The following AGAP1 variants were observed in gnomAD, a reference collection of about 807,000 sequenced individuals.
AGAP1 encodes ArfGAP with GTPase domain, ankyrin repeat and PH domain 1.
A neutral mutation model predicts 105.3 loss-of-function variants in AGAP1; 29 were observed. That is an observed-to-expected ratio of 0.28 (90% confidence interval 0.21 to 0.38). AGAP1 has a LOEUF of 0.38. AGAP1 is among the 10% of genes least tolerant of loss of function. The pLI, the probability that AGAP1 is intolerant of heterozygous loss-of-function variation, is 1.00. For synonymous variants in AGAP1, 509 were observed against 485.9 expected (o/e 1.05, Z -0.63); for missense variants, 998 against 1,165.1 (o/e 0.86, Z 2.09).
chr2:235,546,671 G>C (rs1305562481), intron 1 of AGAP1, among the ~76,000 whole-genome samples: 1 of 152,142 alleles, frequency 6.6e-6, no homozygotes, highest in African/African-American at 2.4e-5. Context: ...CATTGGGAGT[G>C]ATGGCGATGG....
rs1329115085 is a variant in AGAP1, at chr2:235,601,026, G to C, written c.163+106177G>C. On this transcript the variant is annotated intron_variant, in intron 1 of 17. Transcript: ENST00000304032. The surrounding 1 kb of genome is among the most constrained non-coding windows in gnomAD (Gnocchi z 4.4). ...GCCTCTCCTCTTCTCACTGCCTTCA[G>C]TATCCAGCCAAGCTGGGAAACGCCA... is the stretch of plus-strand genomic sequence containing the variant. Among the ~76,000 whole-genome samples the C allele has an allele frequency of 1.3e-5, 2 of 152,292 alleles. No individual in the cohort carries two copies. Among genetic ancestry groups the C allele is most frequent in the African/African-American group, 2.4e-5 (1 of 41,558 alleles).
At position 235,563,591 on chromosome 2, in the gene AGAP1, C is replaced by CG. The variant is rs1480720697; in HGVS notation, c.163+68748dup. Among the ~76,000 whole-genome samples the CG allele has an allele frequency of 8.2e-5, 6 of 73,552 alleles. No individual in the cohort carries two copies. In the East Asian group the frequency reaches 1.3e-3, roughly 16 times the overall value. The allele number at this position is 73,552 out of a possible 152,430, so 48.3% of individuals were successfully genotyped here. ...TATCCTGTGTAAATTATAGCCCGGG[C>CG]GGGGGGTGGGGGGACTTGGATTGTT... On this transcript the variant is annotated intron_variant, in intron 1 of 17. Coordinates refer to ENST00000304032, the MANE Select transcript of AGAP1 (RefSeq NM_001037131.3).
In AGAP1 at chr2:235,608,320, C is replaced by CT. The variant is rs1415646984; in HGVS notation, c.164-100852dup. On this transcript the variant is annotated intron_variant, in intron 1 of 17. Coordinates refer to ENST00000304032, the MANE Select transcript of AGAP1 (RefSeq NM_001037131.3). This position sits in a 1 kb window ranked among gnomAD's most constrained non-coding sequence, Gnocchi z 5.4. ...CGTATTCTGTAAAATTCCATTGTGT[C>CT]TTTTTTTCCCCCAAGTAATCTGGCT... Among the ~76,000 whole-genome samples, 3 of 152,128 alleles carry CT rather than the reference C, an allele frequency of 2.0e-5. No homozygotes were observed. Among genetic ancestry groups the CT allele is most frequent in the African/African-American group, 4.8e-5 (2 of 41,422 alleles).
In AGAP1 at chr2:235,969,328, A is replaced by AC. The variant is rs542117590; in HGVS notation, c.1645+711dup. 3.0e-3 allele frequency among the ~76,000 whole-genome samples: 446 copies of AC among 150,974 alleles called. 1 individual carries two copies. Among genetic ancestry groups the AC allele is most frequent in the Non-Finnish European group, 4.9e-3 (329 of 67,742 alleles). On this transcript the variant is annotated intron_variant, in intron 13 of 17. Transcript: ENST00000304032. ...TGCGTACACACACACATACACACAC[A>AC]CCCCCCACATTATGAGAGGTAAAAT...
chr2:236,058,760 G>C lies in AGAP1; in HGVS notation c.2114+9479G>C, dbSNP rs1460898340. 6.6e-6 allele frequency among the ~76,000 whole-genome samples: 1 copy of C among 152,202 alleles called. No individual in the cohort carries two copies. The highest frequency in any genetic ancestry group is 1.5e-5 in the Non-Finnish European group (1 of 68,042). On this transcript the variant is annotated intron_variant, in intron 16 of 17. Transcript: ENST00000304032. The surrounding 1 kb of genome is among the most constrained non-coding windows in gnomAD (Gnocchi z 4.6). ...GAAGAAACCAAAAGCATCCAGATTT[G>C]AAAAGAAGTAAAACTACCTCCATTT...
intron 6 of AGAP1, chr2:235,774,110 G>A (rs1327544403): frequency 2.5e-6 from 1 of 400,626 alleles, no homozygotes; most frequent in African/African-American, 2.1e-5. Context: ...TAAATATCCA[G>A]ATCTAGGAGA....
chr2:235,715,976 T>C (rs1403121167), intron 2 of AGAP1, among the ~76,000 whole-genome samples: 3 of 152,072 alleles, frequency 2.0e-5, no homozygotes, highest in Non-Finnish European at 4.4e-5. Context: ...GGCGTACGGA[T>C]GTATATAAAG....
chr2:235,860,341 AAC>A (rs1483968246), intron 9 of AGAP1, among the ~76,000 whole-genome samples: 1 of 152,094 alleles, frequency 6.6e-6, no homozygotes, highest in Non-Finnish European at 1.5e-5. Flanking sequence ...TCTAACTTGA[AAC>A]CATAATTATA....
At chr2:236,013,711 C>G (rs759816579) in intron 13 of AGAP1, among the ~76,000 whole-genome samples, 1 of 152,306 alleles carries the variant, frequency 6.6e-6, no homozygotes, top group African/African-American at 2.4e-5. Flanking sequence ...CCTGTGAGAC[C>G]CCTTCTTCAG....
At chr2:235,759,320 C>T (rs1202831071) in intron 6 of AGAP1, among the ~76,000 whole-genome samples, 5 of 151,992 alleles carry the variant, frequency 3.3e-5, no homozygotes, top group Admixed American at 1.3e-4. Flanking sequence ...AGGCGCCTGC[C>T]ACCACGCCCG....
At chr2:236,111,355 C>CAA (rs11464598) in intron 16 of AGAP1, among the ~76,000 whole-genome samples, 2 of 144,814 alleles carry the variant, frequency 1.4e-5, no homozygotes, top group African/African-American at 2.5e-5. Flanking sequence ...CCTATCTCTA[C>CAA]AAAAAAAAAA....
chr2:235,812,528 A>G (rs1368538275), intron 9 of AGAP1, among the ~76,000 whole-genome samples: 1 of 152,226 alleles, frequency 6.6e-6, no homozygotes, highest in Non-Finnish European at 1.5e-5. Flanking sequence ...CATGGGCAGA[A>G]TGAAAGCAGC....
chr2:235,533,813 G>A (rs1334208079), intron 1 of AGAP1, among the ~76,000 whole-genome samples: 1 of 152,240 alleles, frequency 6.6e-6, no homozygotes, highest in Non-Finnish European at 1.5e-5. Flanking sequence ...CTCCCCGCTG[G>A]CCCCTCTGTG....
Position 235,541,685 on chromosome 2 carries a change from G to A in AGAP1, c.163+46836G>A, listed in dbSNP as rs576986481. Among the ~76,000 whole-genome samples, 11 of 152,112 alleles carry A rather than the reference G, an allele frequency of 7.2e-5. No individual in the cohort carries two copies. In the South Asian group the frequency reaches 1.9e-3, roughly 26 times the overall value. On this transcript the variant is annotated intron_variant, in intron 1 of 17. Coordinates refer to ENST00000304032, the MANE Select transcript of AGAP1 (RefSeq NM_001037131.3). Reference sequence around the variant, plus strand: ...ATTACAGGCGTGAGCCACCGTGCCCGGCCTCCATTCTTAATTTTATCACTT... The same window carrying A: ...ATTACAGGCGTGAGCCACCGTGCCCAGCCTCCATTCTTAATTTTATCACTT...
At position 236,126,526 on chromosome 2, in the gene AGAP1, A is replaced by G. The variant is rs997903599; in HGVS notation, c.*2404A>G. 4 of 152,142 alleles carry G rather than the reference A, an allele frequency of 2.6e-5. No homozygotes were observed. Among genetic ancestry groups the G allele is most frequent in the Admixed American group, 1.3e-4 (2 of 15,282 alleles). 9.4% of individuals were successfully genotyped at this position (152,142 alleles called of 1,614,324 possible). A position where few individuals can be genotyped will look rare whatever the true frequency, so the allele number is the denominator to read the frequency against. On this transcript the variant is annotated 3_prime_UTR_variant, in exon 18 of 18. Coordinates refer to ENST00000304032, the MANE Select transcript of AGAP1 (RefSeq NM_001037131.3). ...TATATGAGCGTGTACATATTATTCT[A>G]TGTGTTTATAATATAATATTTTCCC...
In AGAP1 at chr2:235,612,579, G is replaced by GGGTCT. The variant is rs1946165070; in HGVS notation, c.164-96599_164-96595dup. Among the ~76,000 whole-genome samples the GGGTCT allele has an allele frequency of 6.6e-6, 1 of 152,194 alleles. No homozygotes were observed. ...AAGGGAAAAGAACGTGACTGTGTGG[G>GGGTCT]GGTCTCCCTGACTCCTTAGAACCTG... is the stretch of plus-strand genomic sequence containing the variant. On this transcript the variant is annotated intron_variant, in intron 1 of 17. Coordinates refer to ENST00000304032, the MANE Select transcript of AGAP1 (RefSeq NM_001037131.3). The surrounding 1 kb of genome is among the most constrained non-coding windows in gnomAD (Gnocchi z 4.3).
intron 6 of AGAP1, among the ~76,000 whole-genome samples, chr2:235,757,235 T>C (rs1954004246): frequency 6.6e-6 from 1 of 152,248 alleles, no homozygotes; most frequent in African/African-American, 2.4e-5. Context: ...TGATCTCACA[T>C]AGACTTCTGT....
intron 1 of AGAP1, among the ~76,000 whole-genome samples, chr2:235,527,365 C>A (rs1942877959): frequency 6.6e-6 from 1 of 152,136 alleles, no homozygotes; most frequent in Non-Finnish European, 1.5e-5. Context: ...TGGAAACAGA[C>A]TTTACTTACT....
intron 1 of AGAP1, among the ~76,000 whole-genome samples, chr2:235,521,847 T>C (rs980871687): frequency 1.3e-5 from 2 of 151,976 alleles, no homozygotes; most frequent in African/African-American, 4.8e-5. Flanking sequence ...CAATGTATTT[T>C]TGGGATAGAT....
Sources: gnomAD v4.1 joint callset for allele counts (sites outside exome capture counted in the v4.1 genomes callset) on GRCh38, gnomAD v4.1.1 for gene constraint, Gnocchi (gnomAD v3.1) non-coding constraint, MANE v1.5 for transcripts, NCBI Gene and HGNC (gene_info 2026-07-23, HGNC 2026-07-21) for gene names.